SAMD3: variants seen among roughly 807,000 people sequenced by gnomAD.
SAMD3 encodes the protein sterile alpha motif domain-containing protein 3.
In SAMD3, 63 loss-of-function variants were observed where a neutral mutation model predicts 58.5. The observed-to-expected ratio is 1.08, with a 90% CI of 0.88 to 1.33. SAMD3 has a LOEUF of 1.33. Among genes scored for constraint, SAMD3 ranks in the 40% most tolerant of loss-of-function variants. The pLI is 0.00. For missense variants in SAMD3, 604 were observed against 608.4 expected (o/e 0.99, Z 0.08); for synonymous variants, 220 against 210.3 (o/e 1.05, Z -0.40).
intron 1 of SAMD3, among the ~76,000 whole-genome samples, chr6:130,323,663 C>T (rs563801761): frequency 9.9e-5 from 15 of 151,796 alleles, no homozygotes; most frequent in South Asian, 2.1e-4. Context: ...CTTATCTGGG[C>T]GTGGTGGCAT....
At position 130,144,705 on chromosome 6, in the gene SAMD3, C is replaced by T. The variant is rs140284624; in HGVS notation, c.1378G>A (p.Asp460Asn). 486 of 1,613,926 alleles carry T rather than the reference C, an allele frequency of 3.0e-4. No individual in the cohort carries two copies. Among genetic ancestry groups the T allele is most frequent in the Non-Finnish European group, 3.8e-4 (444 of 1,180,002 alleles). The change falls in exon 12 of 12, where the codon GAC becomes AAC. Residue 460 changes from aspartate to asparagine, a missense_variant. By Grantham distance (23) the Asp-to-Asn change is conservative. Transcript: ENST00000439090. ...YLERERLTKV[D>N]DCVTALAALV... Reference sequence around the variant, plus strand: ...GCAGCCAAGGCTGTAACACAGTCGTCCACCTTTGTGAGCCTCTCCCTTTCT... The same window carrying T: ...GCAGCCAAGGCTGTAACACAGTCGTTCACCTTTGTGAGCCTCTCCCTTTCT...
intron 2 of SAMD3, among the ~76,000 whole-genome samples, chr6:130,245,543 A>G (rs9492501): frequency 0.49 from 74,713 of 152,026 alleles, 22,324 homozygotes; most frequent in African/African-American, 0.84. Flanking sequence ...CTGCCAGGAC[A>G]AACACTGCTA....
Position 130,272,518 on chromosome 6 carries a change from ATAAT to A in SAMD3, c.-188+40456_-188+40459del, listed in dbSNP as rs1165037470. Among the ~76,000 whole-genome samples the A allele has an allele frequency of 3.3e-5, 5 of 152,360 alleles. No individual in the cohort carries two copies. The South Asian group carries it at 1.0e-3, about 32-fold the overall frequency. Reference sequence around the variant, plus strand: ...TCTGATGTATATAAACAATGAGGAAATAATTAGAGAGCCAGGAATACATTCCCTT... The same window carrying A: ...TCTGATGTATATAAACAATGAGGAAATAGAGAGCCAGGAATACATTCCCTT... On this transcript the variant is annotated intron_variant, in intron 2 of 13. Transcript: ENST00000368134.
intron 8 of SAMD3, among the ~76,000 whole-genome samples, chr6:130,157,069 CAAAAAATAAATA>C (rs1269213662): frequency 1.8e-5 from 2 of 110,914 alleles, no homozygotes; most frequent in African/African-American, 7.1e-5. Context: ...GACTCCGTCT[CAAAAAATAAATA>C]AATAAATAAA....
At chr6:130,161,769 G>A (rs1383684418) in intron 8 of SAMD3, 1 of 152,420 alleles carries the variant, frequency 6.6e-6, no homozygotes, top group African/African-American at 2.4e-5. Context: ...AGATGCTCAG[G>A]TGTGCAGGTT....
At chr6:130,328,184 T>C (rs1023602947) in intron 1 of SAMD3, among the ~76,000 whole-genome samples, 1 of 152,178 alleles carries the variant, frequency 6.6e-6, no homozygotes, top group Admixed American at 6.5e-5. Context: ...CTTTCCACAG[T>C]TGCTCCTGGT....
chr6:130,306,575 G>A (rs1013411983), intron 2 of SAMD3, among the ~76,000 whole-genome samples: 4 of 152,134 alleles, frequency 2.6e-5, no homozygotes, highest in Non-Finnish European at 5.9e-5. Flanking sequence ...GAAACAAATT[G>A]CTTCTATTCC....
intron 3 of SAMD3, 67 bp from the exon 4 acceptor site, chr6:130,214,593 CA>C: frequency 9.1e-7 from 1 of 1,103,410 alleles, no homozygotes; most frequent in Non-Finnish European, 1.3e-6. Flanking sequence ...TCTGAAGAGG[CA>C]AAATTACCTC....
rs879193397 is a variant in SAMD3 at position 130,155,112 on chromosome 6, TC to T, written c.823-88del. On this transcript the variant is annotated intron_variant, in intron 8 of 11. Transcript: ENST00000439090. ...CTGTTATTGCACACTCTTAACTCAT[TC>T]CTAAGGTGAGTATCACCATACCTGG... 141 of 973,566 alleles carry T rather than the reference TC, an allele frequency of 1.4e-4. 1 individual carries two copies. The South Asian group carries it at 2.1e-3, about 14-fold the overall frequency. 60.3% of individuals were successfully genotyped at this position (973,566 alleles called of 1,614,324 possible).
At chr6:130,151,340 T>G (rs1423272926) in intron 9 of SAMD3, among the ~76,000 whole-genome samples, 4 of 152,150 alleles carry the variant, frequency 2.6e-5, no homozygotes, top group Non-Finnish European at 4.4e-5. Context: ...TACATATTTT[T>G]TTTTTCCAGC....
chr6:130,316,785 G>A (rs1356942348), intron 1 of SAMD3, among the ~76,000 whole-genome samples: 2 of 152,308 alleles, frequency 1.3e-5, no homozygotes, highest in Non-Finnish European at 2.9e-5. Flanking sequence ...AAATAAAAGT[G>A]TTAAAGAGCT....
exon 1 of SAMD3, chr6:130,365,420 T>A (rs1037757402): frequency 8.5e-5 from 84 of 985,274 alleles, no homozygotes; most frequent in Admixed American, 1.2e-4. Context: ...CTTGGCCGCG[T>A]CTTTTCCGGC....
At chr6:130,316,072 C>T (rs1776358162) in intron 1 of SAMD3, among the ~76,000 whole-genome samples, 1 of 152,020 alleles carries the variant, frequency 6.6e-6, no homozygotes, top group African/African-American at 2.4e-5. Flanking sequence ...GGGTGGATCA[C>T]TTGAGGTCAG....
intron 2 of SAMD3, among the ~76,000 whole-genome samples, chr6:130,285,585 G>A (rs780359975): frequency 1.3e-5 from 2 of 152,244 alleles, no homozygotes; most frequent in African/African-American, 2.4e-5. Flanking sequence ...AGGATGAGGA[G>A]AGAAAAAACA....
intron 1 of SAMD3, among the ~76,000 whole-genome samples, chr6:130,331,096 G>A (rs1197829313): frequency 6.6e-6 from 1 of 152,180 alleles, no homozygotes; most frequent in Non-Finnish European, 1.5e-5. Flanking sequence ...GGATATTAGA[G>A]TACTAATATA....
At chr6:130,145,069 G>A (rs1340241596) in intron 11 of SAMD3, among the ~76,000 whole-genome samples, 1 of 152,118 alleles carries the variant, frequency 6.6e-6, no homozygotes, top group Non-Finnish European at 1.5e-5. Flanking sequence ...AGACCAGCCT[G>A]ACCAACACCG....
intron 2 of SAMD3, among the ~76,000 whole-genome samples, chr6:130,262,277 T>A (rs1224078832): frequency 6.6e-6 from 1 of 151,510 alleles, no homozygotes; most frequent in East Asian, 1.9e-4. Flanking sequence ...CAATTTGTAG[T>A]GGCAACTGCT....
intron 1 of SAMD3, among the ~76,000 whole-genome samples, chr6:130,320,964 C>T (rs4897410): frequency 0.45 from 67,921 of 152,006 alleles, 17,541 homozygotes; most frequent in African/African-American, 0.72. Flanking sequence ...GATCCCTTGA[C>T]ATGGGTAATG....
intron 1 of SAMD3, among the ~76,000 whole-genome samples, chr6:130,353,382 C>G (rs374155869): frequency 1.3e-5 from 2 of 152,150 alleles, no homozygotes; most frequent in South Asian, 4.1e-4. Flanking sequence ...ACATAAGCAC[C>G]TAACACATGT....
Sources: gnomAD v4.1 joint callset for allele counts (sites outside exome capture counted in the v4.1 genomes callset) on GRCh38, gnomAD v4.1.1 for gene constraint, MANE v1.5 for transcripts, NCBI Gene and HGNC (gene_info 2026-07-23, HGNC 2026-07-21) for gene names.